The following TRHDE variants were observed in gnomAD, a reference collection of about 807,000 sequenced individuals.
TRHDE encodes the protein thyrotropin-releasing hormone-degrading ectoenzyme.
A neutral mutation model predicts 125.7 loss-of-function variants in TRHDE; 72 were observed. The observed-to-expected ratio is 0.57, with a 90% CI of 0.47 to 0.70. TRHDE has a LOEUF of 0.70. TRHDE is among the 30% of genes least tolerant of loss of function. The probability of loss-of-function intolerance (pLI) is 0.00; values close to 1 mark genes in which losing one functional copy is unlikely to be tolerated. For missense variants in TRHDE, 1,110 were observed against 1,327.1 expected, an observed-to-expected ratio of 0.84 and a Z score of 2.54; for synonymous variants, 509 against 509.1, an observed-to-expected ratio of 1.00 and a Z score of 0.00.
intron 2 of TRHDE, among the ~76,000 whole-genome samples, chr12:72,355,765 G>A (rs961429767): frequency 4.0e-5 from 6 of 151,788 alleles, no homozygotes; most frequent in Admixed American, 6.6e-5. Context: ...CTTTTCAAAA[G>A]AAGACAGACA....
intron 12 of TRHDE, among the ~76,000 whole-genome samples, chr12:72,586,568 G>A (rs572429520): frequency 6.6e-6 from 1 of 152,226 alleles, no homozygotes; most frequent in South Asian, 2.1e-4. Flanking sequence ...CAACACAGAA[G>A]CTAAGAAGTA....
intron 15 of TRHDE, among the ~76,000 whole-genome samples, chr12:72,633,259 C>A (rs187003146): frequency 6.3e-4 from 96 of 152,164 alleles, no homozygotes; most frequent in African/African-American, 2.3e-3. Flanking sequence ...CCCCCACCAG[C>A]AAGTCTCTTT....
intron 6 of TRHDE, among the ~76,000 whole-genome samples, chr12:72,534,128 G>C (rs1868723026): frequency 6.6e-6 from 1 of 152,108 alleles, no homozygotes; most frequent in Non-Finnish European, 1.5e-5. Flanking sequence ...ATTTGCAATG[G>C]AAAAGTTATA....
chr12:72,341,853 CT>C (rs1870100122), intron 2 of TRHDE, among the ~76,000 whole-genome samples: 1 of 152,066 alleles, frequency 6.6e-6, no homozygotes, highest in South Asian at 2.1e-4. Flanking sequence ...TTCTAAAAGT[CT>C]TCTAAAAGTA....
intron 2 of TRHDE, among the ~76,000 whole-genome samples, chr12:72,240,517 A>AG (rs1878455820): frequency 6.6e-6 from 1 of 151,930 alleles, no homozygotes; most frequent in Non-Finnish European, 1.5e-5. Flanking sequence ...TGTTAACCTT[A>AG]TACCATCTGT....
chr12:72,428,748 C>G (rs1344124059), intron 3 of TRHDE, among the ~76,000 whole-genome samples: 2 of 151,982 alleles, frequency 1.3e-5, no homozygotes, highest in African/African-American at 2.4e-5. Context: ...AAAAGGAAAC[C>G]CCATTTTCTT....
chr12:72,540,051 G>C (rs1387351090), intron 6 of TRHDE, among the ~76,000 whole-genome samples: 1 of 151,690 alleles, frequency 6.6e-6, no homozygotes, highest in Non-Finnish European at 1.5e-5. Flanking sequence ...CCTGTGTTAG[G>C]GGTTGTGATC....
At chr12:72,406,356 G>A (rs940819077) in intron 3 of TRHDE, among the ~76,000 whole-genome samples, 3 of 152,116 alleles carry the variant, frequency 2.0e-5, no homozygotes, top group African/African-American at 7.2e-5. Context: ...GTCCAGCAAA[G>A]TCTAGGAAAA....
chr12:72,382,228 A>C (rs1872218135), intron 3 of TRHDE, among the ~76,000 whole-genome samples: 1 of 152,140 alleles, frequency 6.6e-6, no homozygotes, highest in African/African-American at 2.4e-5. Context: ...CTCAGAATTA[A>C]CCATTAATTG....
chr12:72,393,744 AT>A (rs763437718), intron 3 of TRHDE, among the ~76,000 whole-genome samples: 108 of 152,168 alleles, frequency 7.1e-4, no homozygotes, highest in Non-Finnish European at 2.1e-4. Flanking sequence ...TATAGTTGAC[AT>A]TTTTTTTGTA....
At chr12:72,590,248 T>C (rs888910230) in intron 12 of TRHDE, among the ~76,000 whole-genome samples, 1 of 152,108 alleles carries the variant, frequency 6.6e-6, no homozygotes, top group African/African-American at 2.4e-5. Flanking sequence ...TTTCAAACTT[T>C]ATATTTTCAG....
At chr12:72,244,841 T>C (rs1411754362) in intron 2 of TRHDE, among the ~76,000 whole-genome samples, 2 of 152,166 alleles carry the variant, frequency 1.3e-5, no homozygotes, top group Non-Finnish European at 2.9e-5. Flanking sequence ...CAAATTATTA[T>C]GGTATTTAAA....
chr12:72,429,313 T>C (rs895764800), intron 3 of TRHDE, among the ~76,000 whole-genome samples: 1 of 149,726 alleles, frequency 6.7e-6, no homozygotes, highest in Non-Finnish European at 1.5e-5. Context: ...CGTTACGTTC[T>C]GCACACGTAA....
At chr12:72,322,161 A>T (rs1158032827) in intron 2 of TRHDE, among the ~76,000 whole-genome samples, 1 of 152,132 alleles carries the variant, frequency 6.6e-6, no homozygotes, top group Non-Finnish European at 1.5e-5. Context: ...AATGGCAAAA[A>T]ATTTGAGTCA....
At chr12:72,636,861 A>G (rs1165196500) in intron 15 of TRHDE, among the ~76,000 whole-genome samples, 2 of 151,874 alleles carry the variant, frequency 1.3e-5, no homozygotes, top group Non-Finnish European at 2.9e-5. Context: ...AGCCCACTTG[A>G]TCATGGTGGA....
At chr12:72,648,929 T>C (rs1874391546) in intron 15 of TRHDE, among the ~76,000 whole-genome samples, 1 of 152,060 alleles carries the variant, frequency 6.6e-6, no homozygotes, top group Non-Finnish European at 1.5e-5. Context: ...CCATCTGATG[T>C]TCATGGATTG....
chr12:72,599,201 G>A (rs556148994), intron 12 of TRHDE, among the ~76,000 whole-genome samples: 1 of 152,198 alleles, frequency 6.6e-6, no homozygotes, highest in South Asian at 2.1e-4. Context: ...GAGTGCAGGT[G>A]TCTTTTTGGT....
chr12:72,178,573 A>G (rs1877035636), intron 2 of TRHDE, among the ~76,000 whole-genome samples: 1 of 152,132 alleles, frequency 6.6e-6, no homozygotes, highest in African/African-American at 2.4e-5. Context: ...GTGTTTGACA[A>G]GATTTGATGA....
At chr12:72,294,632 G>A (rs868682238) in intron 2 of TRHDE, among the ~76,000 whole-genome samples, 6 of 152,106 alleles carry the variant, frequency 3.9e-5, no homozygotes, top group African/African-American at 9.7e-5. Context: ...TGGTTGGGCC[G>A]GGAAAAGGCA....
Sources: allele counts gnomAD v4.1 joint callset (sites outside exome capture counted in the v4.1 genomes callset), GRCh38; gene constraint gnomAD v4.1.1; transcripts MANE v1.5; gene names NCBI Gene and HGNC (gene_info 2026-07-23, HGNC 2026-07-21).